The following CXCL13 variants were observed in gnomAD, a reference collection of about 807,000 sequenced individuals.
CXCL13 encodes the protein C-X-C motif chemokine 13.
In CXCL13, 7 loss-of-function variants were observed where a neutral mutation model predicts 12.2. That is an observed-to-expected ratio of 0.57 (90% CI 0.33 to 1.07). The LOEUF (loss-of-function observed/expected upper bound fraction) is 1.07, where lower values mean the gene tolerates loss of function less well. Ranked by LOEUF, CXCL13 falls within the 50% of genes least tolerant of loss-of-function variation. The pLI is 0.04. For synonymous variants in CXCL13, 47 were observed against 42.4 expected (o/e 1.11, Z -0.42); for missense variants, 113 against 127.4 (o/e 0.89, Z 0.55).
intron 1 of CXCL13, among the ~76,000 whole-genome samples, chr4:77,553,976 T>C (rs1029318432): frequency 1.3e-5 from 2 of 152,206 alleles, no homozygotes; most frequent in Non-Finnish European, 1.5e-5. Context: ...TAGGTAACTA[T>C]GTGAGATGAT....
At chr4:77,523,222 G>A (rs1023162844) in intron 1 of CXCL13, among the ~76,000 whole-genome samples, 1 of 152,142 alleles carries the variant, frequency 6.6e-6, no homozygotes. Context: ...TCTTTGTGGT[G>A]TTGTCTGTAT....
At chr4:77,575,052 A>G (rs1277650257) in intron 1 of CXCL13, among the ~76,000 whole-genome samples, 5 of 151,974 alleles carry the variant, frequency 3.3e-5, no homozygotes, top group Non-Finnish European at 7.3e-5. Flanking sequence ...TGCAAAAGAA[A>G]TTCTGTGTGT....
chr4:77,514,890 G>C (rs1441067702), intron 1 of CXCL13, among the ~76,000 whole-genome samples: 6 of 152,184 alleles, frequency 3.9e-5, no homozygotes, highest in Non-Finnish European at 8.8e-5. Context: ...CCGTGCCTAT[G>C]TCCTGAATGG....
chr4:77,528,187 C>T (rs1724814523), intron 1 of CXCL13, among the ~76,000 whole-genome samples: 2 of 152,134 alleles, frequency 1.3e-5, no homozygotes, highest in African/African-American at 4.8e-5. Flanking sequence ...CATTGTTGGA[C>T]ATTTGGTTTG....
intron 1 of CXCL13, among the ~76,000 whole-genome samples, chr4:77,539,822 C>A (rs534884020): frequency 2.0e-5 from 3 of 152,268 alleles, no homozygotes; most frequent in African/African-American, 7.2e-5. Context: ...GCCTTACCAT[C>A]ACCTGATGGC....
chr4:77,522,054 A>G (rs1375112137), intron 1 of CXCL13, among the ~76,000 whole-genome samples: 1 of 152,142 alleles, frequency 6.6e-6, no homozygotes, highest in East Asian at 1.9e-4. Flanking sequence ...TTCTAATTTG[A>G]TTGCACTGTG....
At chr4:77,582,170 G>T (rs1287791857) in intron 1 of CXCL13, among the ~76,000 whole-genome samples, 1 of 152,100 alleles carries the variant, frequency 6.6e-6, no homozygotes, top group Non-Finnish European at 1.5e-5. Flanking sequence ...CTGATCTTTT[G>T]TAGATCTCCC....
chr4:77,569,143 C>T (rs1216344101), intron 1 of CXCL13, among the ~76,000 whole-genome samples: 3 of 152,144 alleles, frequency 2.0e-5, no homozygotes, highest in African/African-American at 7.2e-5. Context: ...CTATGACAAA[C>T]CCACAGCCAA....
chr4:77,604,127 C>A (rs553820757), upstream of CXCL13, among the ~76,000 whole-genome samples: 4 of 152,292 alleles, frequency 2.6e-5, no homozygotes, highest in African/African-American at 9.6e-5. Context: ...ATAACCTCCT[C>A]GGGCTCTGCT....
intron 1 of CXCL13, among the ~76,000 whole-genome samples, chr4:77,522,885 C>T (rs569143846): frequency 3.9e-5 from 6 of 152,256 alleles, no homozygotes; most frequent in African/African-American, 1.2e-4. Flanking sequence ...CCTTCAGGAA[C>T]TCTTGTAAGG....
intron 1 of CXCL13, among the ~76,000 whole-genome samples, chr4:77,520,976 T>C (rs904509106): frequency 5.9e-5 from 9 of 152,228 alleles, no homozygotes; most frequent in African/African-American, 9.6e-5. Context: ...GAGATAATCA[T>C]GTGGTTTTTT....
intron 1 of CXCL13, among the ~76,000 whole-genome samples, chr4:77,591,114 G>A (rs934684088): frequency 2.2e-4 from 34 of 152,130 alleles, no homozygotes; most frequent in South Asian, 6.2e-4. Context: ...CTAACCTCAA[G>A]TGATCTACCC....
In CXCL13 at chr4:77,568,895, T is replaced by C. The variant is rs555658845; in HGVS notation, c.-42-36929T>C. Among the ~76,000 whole-genome samples, 18 of 152,312 alleles carry C rather than the reference T, an allele frequency of 1.2e-4. No individual in the cohort carries two copies. In the East Asian group the frequency reaches 3.5e-3, roughly 29 times the overall value. On this transcript the variant is annotated intron_variant, in intron 1 of 4. Transcript: ENST00000286758. ...TCTGTAACAGTATTTTCTTTTCTTA[T>C]TGTCTCTTTATTTAATGCTTTGCTA... is the stretch of plus-strand genomic sequence containing the variant.
chr4:77,536,980 C>G (rs1400063208), intron 1 of CXCL13, among the ~76,000 whole-genome samples: 1 of 152,114 alleles, frequency 6.6e-6, no homozygotes, highest in Non-Finnish European at 1.5e-5. Context: ...TTACTTTGGT[C>G]TTCTCTTCCC....
intron 1 of CXCL13, among the ~76,000 whole-genome samples, chr4:77,545,593 A>G (rs1374936856): frequency 6.6e-6 from 1 of 152,094 alleles, no homozygotes; most frequent in Non-Finnish European, 1.5e-5. Flanking sequence ...TTGCACATTG[A>G]TTTTGTATCC....
intron 1 of CXCL13, among the ~76,000 whole-genome samples, chr4:77,536,636 T>C (rs1006456198): frequency 6.6e-5 from 10 of 152,214 alleles, no homozygotes; most frequent in Non-Finnish European, 1.5e-4. Flanking sequence ...TAAGAGTAAA[T>C]ACTCCATAAG....
intron 1 of CXCL13, among the ~76,000 whole-genome samples, chr4:77,546,471 C>T (rs1725367580): frequency 6.6e-6 from 1 of 152,092 alleles, no homozygotes; most frequent in South Asian, 2.1e-4. Context: ...CTGGTTTAGT[C>T]TTGGGAGGGT....
intron 1 of CXCL13, among the ~76,000 whole-genome samples, chr4:77,530,959 A>C (rs1027938004): frequency 6.6e-6 from 1 of 151,598 alleles, no homozygotes; most frequent in Non-Finnish European, 1.5e-5. Context: ...TGTCCCAGAG[A>C]TTCTGGTATC....
upstream of CXCL13, among the ~76,000 whole-genome samples, chr4:77,601,975 G>T (rs1726888077): frequency 1.3e-5 from 2 of 152,212 alleles, no homozygotes; most frequent in South Asian, 4.1e-4. Flanking sequence ...ACAGATGTCA[G>T]ATGTTCAGCA....
Sources: gnomAD v4.1 joint callset for allele counts (sites outside exome capture counted in the v4.1 genomes callset) on GRCh38, gnomAD v4.1.1 for gene constraint, MANE v1.5 for transcripts, NCBI Gene and HGNC (gene_info 2026-07-23, HGNC 2026-07-21) for gene names.